Variants in USP13 observed in about 807,000 individuals in gnomAD.
The protein encoded by USP13 is ubiquitin specific peptidase 13.
Under a neutral mutation model 107.8 loss-of-function variants are expected in USP13, and 68 were observed. The ratio of observed to expected loss-of-function variants is 0.63; its 90% confidence interval spans 0.52 to 0.77. The LOEUF (loss-of-function observed/expected upper bound fraction) is 0.77. Ranked by LOEUF, USP13 falls within the 30% of genes least tolerant of loss-of-function variation. The pLI is 0.00. For synonymous variants in USP13, 377 were observed against 389.5 expected (o/e 0.97, Z 0.38); for missense variants, 945 against 1,093.3 (o/e 0.86, Z 1.91).
At chr3:179,682,133 A>G (rs1711682418) in intron 2 of USP13, 130 bp downstream of exon 2, 4 of 1,212,502 alleles carry the variant, frequency 3.3e-6, no homozygotes, top group Non-Finnish European at 4.5e-6. Flanking sequence ...AGAAACAAAA[A>G]CAGCACTGCT....
At chr3:179,774,288 T>C (rs1265887138) in intron 19 of USP13, among the ~76,000 whole-genome samples, 1 of 152,180 alleles carries the variant, frequency 6.6e-6, no homozygotes, top group African/African-American at 2.4e-5. Context: ...TACCTCCCAC[T>C]ATGTCCGGAA....
intron 3 of USP13, among the ~76,000 whole-genome samples, chr3:179,696,015 G>GT (rs1201889169): frequency 3.3e-5 from 5 of 152,260 alleles, no homozygotes; most frequent in African/African-American, 9.6e-5. Context: ...AGGTTACCCT[G>GT]TATTCCTTCC....
At chr3:179,687,937 G>A (rs894712992) in intron 2 of USP13, among the ~76,000 whole-genome samples, 3 of 152,072 alleles carry the variant, frequency 2.0e-5, no homozygotes. Context: ...CACCAAGTTT[G>A]TGCTCCAGAC....
At chr3:179,696,466 G>A (rs2108470083) in intron 3 of USP13, among the ~76,000 whole-genome samples, 1 of 152,126 alleles carries the variant, frequency 6.6e-6, no homozygotes, top group African/African-American at 2.4e-5. Context: ...GAGTAGCTGG[G>A]ATTACAGGCG....
intron 8 of USP13, among the ~76,000 whole-genome samples, chr3:179,723,900 C>A (rs945374187): frequency 7.9e-5 from 12 of 151,904 alleles, no homozygotes; most frequent in Non-Finnish European, 1.8e-4. Context: ...TACCTGTAAA[C>A]CCAGTACTTT....
intron 13 of USP13, among the ~76,000 whole-genome samples, chr3:179,748,912 C>T (rs1379572013): frequency 6.6e-6 from 1 of 152,160 alleles, no homozygotes; most frequent in Non-Finnish European, 1.5e-5. Flanking sequence ...ATGGTACTTT[C>T]TTTACAGGGT....
chr3:179,681,015 C>T lies in USP13; in HGVS notation c.169-863C>T, dbSNP rs774483468. On this transcript the variant is annotated intron_variant, in intron 1 of 20. Coordinates refer to ENST00000263966, the MANE Select transcript of USP13 (RefSeq NM_003940.3). ...TCACAGTGAAAATTTTGCCAACTTT[C>T]TTCTATCTTTCTCTTCCTTTGCTCT... Among the ~76,000 whole-genome samples the T allele has an allele frequency of 7.2e-5, 11 of 152,076 alleles. 1 individual carries two copies. Among genetic ancestry groups the T allele is most frequent in the African/African-American group, 2.7e-4 (11 of 41,394 alleles).
chr3:179,694,799 C>CAAAAAAAAAAAAAAA (rs576517737), intron 3 of USP13, among the ~76,000 whole-genome samples: 4 of 82,122 alleles, frequency 4.9e-5, no homozygotes, highest in African/African-American at 9.3e-5. Flanking sequence ...AACTCCATCT[C>CAAAAAAAAAAAAAAA]AAAAAAAAAA....
rs746711633 is a variant in USP13 at position 179,700,999 on chromosome 3, T to A, written c.356-9T>A. 9 of 1,609,520 alleles carry A rather than the reference T, an allele frequency of 5.6e-6. No individual in the cohort carries two copies. The highest frequency in any genetic ancestry group is 7.6e-6 in the Non-Finnish European group (9 of 1,178,732). On this transcript the variant is annotated splice_polypyrimidine_tract_variant and intron_variant, in intron 3 of 20. Transcript: ENST00000263966. ...CACTTCTTGTTCTTTGTTTTTGTTT[T>A]CTCCTCAGATCTAGATACTGATGAC...
chr3:179,682,096 C>T, intron 2 of USP13, 93 bp downstream of exon 2: 1 of 1,464,118 alleles, frequency 6.8e-7, no homozygotes, highest in Non-Finnish European at 9.2e-7. Flanking sequence ...ACCATGCCCA[C>T]ATAACTTCCG....
chr3:179,745,766 C>T (rs1021867854), intron 13 of USP13, among the ~76,000 whole-genome samples: 3 of 152,164 alleles, frequency 2.0e-5, no homozygotes, highest in Admixed American at 2.0e-4. Context: ...CTATGTTTCT[C>T]CTTGGAGACT....
At chr3:179,692,889 C>T (rs1486089549) in intron 3 of USP13, among the ~76,000 whole-genome samples, 7 of 152,098 alleles carry the variant, frequency 4.6e-5, no homozygotes, top group African/African-American at 1.4e-4. Context: ...ACTGTGTGGA[C>T]CCCTTCCTTC....
intron 19 of USP13, among the ~76,000 whole-genome samples, chr3:179,780,186 G>A (rs920903844): frequency 1.3e-5 from 2 of 152,216 alleles, no homozygotes; most frequent in African/African-American, 4.8e-5. Flanking sequence ...AAGGATGCCC[G>A]CTTTTGACAC....
chr3:179,705,867 C>G (rs996103170), intron 4 of USP13, among the ~76,000 whole-genome samples: 5 of 152,006 alleles, frequency 3.3e-5, no homozygotes, highest in African/African-American at 1.2e-4. Flanking sequence ...GGACTACAGG[C>G]GCATGCCACC....
chr3:179,776,399 A>G (rs1222450019), intron 19 of USP13, among the ~76,000 whole-genome samples: 1 of 152,152 alleles, frequency 6.6e-6, no homozygotes, highest in Non-Finnish European at 1.5e-5. Context: ...TTTACCTTCC[A>G]AGTTTCATAA....
At chr3:179,694,799 C>CAAAG (rs1327789835) in intron 3 of USP13, among the ~76,000 whole-genome samples, 3 of 82,166 alleles carry the variant, frequency 3.7e-5, no homozygotes, top group African/African-American at 1.4e-4. Context: ...AACTCCATCT[C>CAAAG]AAAAAAAAAA....
chr3:179,700,941 G>C lies in USP13; in HGVS notation c.356-67G>C, dbSNP rs915895554. On this transcript the variant is annotated intron_variant, in intron 3 of 20. Transcript: ENST00000263966. Reference sequence around the variant, plus strand: ...ACCTTGGATTTCTGGCTTTTCCAGTGAGTGCTGCCATAGTGTGGGATATTA... The same window carrying C: ...ACCTTGGATTTCTGGCTTTTCCAGTCAGTGCTGCCATAGTGTGGGATATTA... The C allele has an allele frequency of 3.9e-6, 6 of 1,521,418 alleles. No homozygotes were observed. The African/African-American group carries it at 6.9e-5, about 17-fold the overall frequency. 94.2% of individuals were successfully genotyped at this position (1,521,418 alleles called of 1,614,324 possible).
chr3:179,712,058 TG>T (rs1712949751), intron 6 of USP13, among the ~76,000 whole-genome samples: 1 of 152,236 alleles, frequency 6.6e-6, no homozygotes, highest in Admixed American at 6.5e-5. Context: ...TATAACCTTA[TG>T]GGACCACTGC....
chr3:179,744,832 GAT>G (rs1714338956), intron 12 of USP13, among the ~76,000 whole-genome samples: 1 of 152,080 alleles, frequency 6.6e-6, no homozygotes. Context: ...CATGCAAAAA[GAT>G]GTAAATGGCT....
Sources: allele counts gnomAD v4.1 joint callset (sites outside exome capture counted in the v4.1 genomes callset), GRCh38; gene constraint gnomAD v4.1.1; transcripts MANE v1.5; gene names NCBI Gene and HGNC (gene_info 2026-07-23, HGNC 2026-07-21).